PNPLA1: variants seen among roughly 807,000 people sequenced by gnomAD.
PNPLA1 encodes patatin like domain 1, omega-hydroxyceramide transacylase.
A neutral mutation model predicts 51.7 loss-of-function variants in PNPLA1; 36 were observed. That is an observed-to-expected ratio of 0.70 (90% CI 0.53 to 0.92). The LOEUF is 0.92. Among genes scored for constraint, PNPLA1 ranks in the 40% least tolerant of loss-of-function variants. PNPLA1 has a pLI of 0.00. For missense variants in PNPLA1, 658 were observed against 682.5 expected (o/e 0.96, Z 0.40); for synonymous variants, 293 against 280.1 (o/e 1.05, Z -0.46).
chr6:36,265,424 A>G (rs1431489775), upstream of PNPLA1, among the ~76,000 whole-genome samples: 2 of 152,224 alleles, frequency 1.3e-5, no homozygotes, highest in Non-Finnish European at 1.5e-5. Flanking sequence ...TTGGCTTCTA[A>G]CAAAAATAAG....
intron 7 of PNPLA1, among the ~76,000 whole-genome samples, chr6:36,307,345 AC>A (rs1771268735): frequency 6.6e-6 from 1 of 152,178 alleles, no homozygotes; most frequent in South Asian, 2.1e-4. Context: ...CATAATTTAA[AC>A]TTTTTTGCAT....
At chr6:36,305,663 A>G (rs545222562) in intron 6 of PNPLA1, among the ~76,000 whole-genome samples, 1 of 151,878 alleles carries the variant, frequency 6.6e-6, no homozygotes, top group East Asian at 1.9e-4. Context: ...CATGTGATGG[A>G]AAGTCCAGGC....
At chr6:36,286,277 G>A (rs902595210) in intron 1 of PNPLA1, among the ~76,000 whole-genome samples, 1 of 152,172 alleles carries the variant, frequency 6.6e-6, no homozygotes, top group Admixed American at 6.5e-5. Flanking sequence ...AATCTGCCTG[G>A]CTCCAAAGCC....
At chr6:36,284,719 C>T (rs1770428442) in intron 1 of PNPLA1, among the ~76,000 whole-genome samples, 1 of 152,196 alleles carries the variant, frequency 6.6e-6, no homozygotes, top group Non-Finnish European at 1.5e-5. Context: ...TTAGGAGTCT[C>T]AGGGCAGTGT....
At chr6:36,256,272 C>G (rs180784524) in intron 1 of PNPLA1, among the ~76,000 whole-genome samples, 2 of 152,024 alleles carry the variant, frequency 1.3e-5, no homozygotes, top group African/African-American at 4.8e-5. Flanking sequence ...AGGAGAATCC[C>G]TTGAACCCAG....
intron 8 of PNPLA1, among the ~76,000 whole-genome samples, chr6:36,308,862 A>C (rs1170622537): frequency 6.6e-6 from 1 of 152,112 alleles, no homozygotes; most frequent in Non-Finnish European, 1.5e-5. Flanking sequence ...AGGCATGTTG[A>C]CATGTGCCGG....
In PNPLA1 at chr6:36,312,634, A is replaced by G. The variant is rs972069530; in HGVS notation, c.*748A>G. 2.0e-5 allele frequency among the ~76,000 whole-genome samples: 3 copies of G among 152,146 alleles called. No individual in the cohort carries two copies. The highest frequency in any genetic ancestry group is 7.2e-5 in the African/African-American group (3 of 41,422). ...GACCCTGAGGCCAAGCCTGCTTCTC[A>G]CTGCTGTCCGGCACACTCCCCTGAC... On this transcript the variant is annotated 3_prime_UTR_variant, in exon 9 of 9. Transcript: ENST00000636260.
rs1303396694 is a variant in PNPLA1, at chr6:36,255,230, T to C, written c.-81+11969T>C. Among the ~76,000 whole-genome samples, 47 of 148,098 alleles carry C rather than the reference T, an allele frequency of 3.2e-4. 1 individual carries two copies. Among genetic ancestry groups the C allele is most frequent in the Non-Finnish European group, 7.4e-5 (5 of 67,422 alleles). On this transcript the variant is annotated intron_variant, in intron 1 of 7. Transcript: ENST00000312917. ...AAAAAAAAATACAAAATTGGCCAGG[T>C]GCAGTAGCTCACGCCTGTAATCCCA...
chr6:36,258,915 G>A (rs1285031828), intron 1 of PNPLA1, among the ~76,000 whole-genome samples: 1 of 152,156 alleles, frequency 6.6e-6, no homozygotes, highest in African/African-American at 2.4e-5. Context: ...TGATTTAGAA[G>A]TCCTTTATCC....
chr6:36,277,800 G>C (rs1003515659), intron 1 of PNPLA1, among the ~76,000 whole-genome samples: 1 of 152,212 alleles, frequency 6.6e-6, no homozygotes, highest in Non-Finnish European at 1.5e-5. Flanking sequence ...GGAGTTTGAG[G>C]CTGCAGTGAA....
intron 1 of PNPLA1, among the ~76,000 whole-genome samples, chr6:36,282,531 A>C (rs564795263): frequency 6.6e-6 from 1 of 152,350 alleles, no homozygotes; most frequent in East Asian, 1.9e-4. Context: ...TGTGTTGGTT[A>C]CACAGTAGAA....
intron 5 of PNPLA1, among the ~76,000 whole-genome samples, chr6:36,300,176 T>TGAGA (rs1246025508): frequency 0.015 from 1,062 of 72,012 alleles, 11 homozygotes; most frequent in Middle Eastern, 0.044. Context: ...TGTGTGTGTG[T>TGAGA]GTGAGAGAGA....
chr6:36,275,619 G>A (rs78981458), intron 1 of PNPLA1, among the ~76,000 whole-genome samples: 2 of 152,012 alleles, frequency 1.3e-5, no homozygotes, highest in African/African-American at 4.8e-5. Context: ...CTATTCTGTT[G>A]GCTAATTTGT....
In PNPLA1 at chr6:36,284,492, C is replaced by T. The variant is rs150692979; in HGVS notation, c.206-6828C>T. Among the ~76,000 whole-genome samples the T allele has an allele frequency of 8.7e-3, 1,317 of 152,182 alleles. 46 individuals are homozygous for T. The highest frequency in any genetic ancestry group is 0.064 in the Admixed American group (974 of 15,266). ...CAAACAAAAACTGTGTGACCTAGGT[C>T]CTAGGGTATGTCCTTCCTTTATCCA... On this transcript the variant is annotated intron_variant, in intron 1 of 8. Coordinates refer to ENST00000636260, the MANE Select transcript of PNPLA1 (RefSeq NM_001374623.1).
At chr6:36,273,868 C>T (rs1407412097) in intron 1 of PNPLA1, among the ~76,000 whole-genome samples, 2 of 151,140 alleles carry the variant, frequency 1.3e-5, no homozygotes, top group African/African-American at 2.4e-5. Flanking sequence ...GTGGTAGGAA[C>T]TAAAACCTGT....
chr6:36,288,813 T>C (rs1770588022), intron 1 of PNPLA1, among the ~76,000 whole-genome samples: 1 of 152,146 alleles, frequency 6.6e-6, no homozygotes, highest in South Asian at 2.1e-4. Context: ...GGCACATGCC[T>C]GTAATCCCAG....
At chr6:36,307,055 C>T (rs1771259788) in intron 7 of PNPLA1, among the ~76,000 whole-genome samples, 1 of 152,114 alleles carries the variant, frequency 6.6e-6, no homozygotes. Context: ...GAAGTTGGGT[C>T]AAGGGTATTT....
intron 1 of PNPLA1, among the ~76,000 whole-genome samples, chr6:36,243,725 C>G (rs541231435): frequency 3.9e-5 from 6 of 152,112 alleles, no homozygotes; most frequent in Admixed American, 6.5e-5. Context: ...TCAAGACACT[C>G]ACCTCCCCCA....
At position 36,294,392 on chromosome 6, in the gene PNPLA1, A is replaced by G. The variant is rs757289193; in HGVS notation, c.707A>G (p.Asp236Gly). The G allele has an allele frequency of 6.2e-7, 1 of 1,613,758 alleles. No homozygotes were observed. The highest frequency in any genetic ancestry group is 8.5e-7 in the Non-Finnish European group (1 of 1,179,914). ...ARMTHALFPP[D>G]LVILHDYYYR... is the part of the protein sequence containing the mutation. ...ATGACCCACGCATTGTTCCCCCCGG[A>G]CCTGGTGGTGAGAGGCAGGAGGGGT... Residue 236 changes from aspartate (D) to glycine (G), a missense_variant, in exon 4 of 9, where the codon GAC becomes GGC. Coordinates refer to ENST00000636260, the MANE Select transcript of PNPLA1 (RefSeq NM_001374623.1). The surrounding 1 kb of genome is among the most constrained non-coding windows in gnomAD (Gnocchi z 4.2).
Sources: gnomAD v4.1 joint callset for allele counts (sites outside exome capture counted in the v4.1 genomes callset) on GRCh38, gnomAD v4.1.1 for gene constraint, Gnocchi (gnomAD v3.1) non-coding constraint, MANE v1.5 for transcripts, NCBI Gene and HGNC (gene_info 2026-07-23, HGNC 2026-07-21) for gene names.